Variants in SHISA6 observed in about 807,000 individuals in gnomAD.
The protein encoded by SHISA6 is protein shisa-6.
SHISA6 carries 22 observed loss-of-function variants against 47.9 expected under a neutral mutation model. The observed-to-expected ratio is 0.46, with a 90% CI of 0.33 to 0.66. SHISA6 has a LOEUF of 0.66. Among genes scored for constraint, SHISA6 ranks in the 30% least tolerant of loss-of-function variants. SHISA6 has a pLI of 0.02. For synonymous variants in SHISA6, 388 were observed against 337.8 expected (o/e 1.15, Z -1.63); for missense variants, 680 against 764.6 (o/e 0.89, Z 1.30).
At chr17:11,557,012 G>A (rs1202414220) in intron 5 of SHISA6, among the ~76,000 whole-genome samples, 1 of 152,104 alleles carries the variant, frequency 6.6e-6, no homozygotes, top group Non-Finnish European at 1.5e-5. Context: ...AGAGAAAGGT[G>A]GAGCATCTAA....
rs2072015467 is a variant in SHISA6, at chr17:11,559,208, C to T, written c.*904C>T. On this transcript the variant is annotated 3_prime_UTR_variant, in exon 6 of 6. Transcript: ENST00000441885. The surrounding 1 kb of genome is among the most constrained non-coding windows in gnomAD (Gnocchi z 4.4). ...GATCATCTCCGCACTCCCTCCAGGC[C>T]TCTAGACCTGACCATGACTGCCACT... 6.6e-6 allele frequency: 1 copy of T among 152,658 alleles called. No individual in the cohort carries two copies. Among genetic ancestry groups the T allele is most frequent in the Non-Finnish European group, 1.5e-5 (1 of 68,376 alleles). 9.5% of individuals were successfully genotyped at this position (152,658 alleles called of 1,614,324 possible). A position where few individuals can be genotyped will look rare whatever the true frequency, so the allele number is the denominator to read the frequency against.
intron 3 of SHISA6, among the ~76,000 whole-genome samples, chr17:11,424,069 C>T (rs112928960): frequency 1.0e-4 from 12 of 117,400 alleles, no homozygotes; most frequent in African/African-American, 3.8e-4. Context: ...GTAGATCCCA[C>T]ATATATCTGA....
intron 3 of SHISA6, among the ~76,000 whole-genome samples, chr17:11,382,928 CTTTTTTTTTTTT>C (rs10601084): frequency 1.4e-5 from 1 of 70,776 alleles, no homozygotes; most frequent in Non-Finnish European, 2.6e-5. Flanking sequence ...TCCTGTCAGC[CTTTTTTTTTTTT>C]TTTTTTTTTT....
intron 3 of SHISA6, among the ~76,000 whole-genome samples, chr17:11,533,502 T>G (rs1303214044): frequency 1.3e-5 from 2 of 151,772 alleles, no homozygotes. Flanking sequence ...TCACCTCCCC[T>G]GGCCTCTCTC....
chr17:11,290,947 C>T (rs1909513273), intron 2 of SHISA6: 1 of 151,564 alleles, frequency 6.6e-6, no homozygotes, highest in African/African-American at 2.4e-5. Context: ...GATGCCAGCC[C>T]TGACTTTCTG....
intron 2 of SHISA6, among the ~76,000 whole-genome samples, chr17:11,352,250 C>T (rs925078182): frequency 2.0e-5 from 3 of 151,718 alleles, no homozygotes; most frequent in Non-Finnish European, 4.4e-5. Flanking sequence ...GAGAGATCTT[C>T]TGGAAAGGCA....
At chr17:11,476,860 A>G (rs1916063812) in intron 3 of SHISA6, among the ~76,000 whole-genome samples, 1 of 152,104 alleles carries the variant, frequency 6.6e-6, no homozygotes, top group Non-Finnish European at 1.5e-5. Flanking sequence ...CAGAAGTACT[A>G]ATGTCTCCAA....
At chr17:11,491,495 C>G (rs1489326393) in intron 3 of SHISA6, among the ~76,000 whole-genome samples, 1 of 151,974 alleles carries the variant, frequency 6.6e-6, no homozygotes, top group Non-Finnish European at 1.5e-5. Context: ...AGACGGGGGT[C>G]TCACTATGTT....
chr17:11,320,669 A>AAG lies in SHISA6; in HGVS notation c.799+57163_799+57164dup, dbSNP rs59186157. Among the ~76,000 whole-genome samples, 248 of 49,002 alleles carry AAG rather than the reference A, an allele frequency of 5.1e-3. 1 individual carries two copies. The highest frequency in any genetic ancestry group is 7.3e-3 in the African/African-American group (138 of 18,968). The allele number at this position is 49,002 out of a possible 152,430, so 32.1% of individuals were successfully genotyped here. On this transcript the variant is annotated intron_variant, in intron 2 of 5. Transcript: ENST00000441885. ...GCGAAACTCCATCACCAAAAAAAAA[A>AAG]AGAGAGAGAGAGAGAGAGAGAAGAA...
At chr17:11,416,220 G>A (rs567394153) in intron 3 of SHISA6, among the ~76,000 whole-genome samples, 1 of 152,268 alleles carries the variant, frequency 6.6e-6, no homozygotes, top group Admixed American at 6.5e-5. Context: ...ATTGCTCATA[G>A]ATGTCCCATG....
At chr17:11,273,880 T>C (rs1567557065) in intron 2 of SHISA6, among the ~76,000 whole-genome samples, 7 of 149,264 alleles carry the variant, frequency 4.7e-5, no homozygotes, top group Admixed American at 3.4e-4. Flanking sequence ...AAATCACCAT[T>C]CTGTTCTCAG....
At chr17:11,304,493 G>A (rs542734897) in intron 2 of SHISA6, among the ~76,000 whole-genome samples, 6 of 151,970 alleles carry the variant, frequency 3.9e-5, no homozygotes, top group African/African-American at 1.4e-4. Flanking sequence ...GGAGAAGCCA[G>A]CAGAGAGAAG....
chr17:11,360,801 A>G (rs1198394677), intron 2 of SHISA6, among the ~76,000 whole-genome samples: 1 of 150,448 alleles, frequency 6.6e-6, no homozygotes, highest in East Asian at 1.9e-4. Context: ...GTAAAATTAA[A>G]AAAAAAAAAA....
chr17:11,422,426 A>G (rs995700455), intron 3 of SHISA6, among the ~76,000 whole-genome samples: 1 of 152,212 alleles, frequency 6.6e-6, no homozygotes, highest in East Asian at 1.9e-4. Flanking sequence ...TCAGAGCTCA[A>G]CCAAGATTGA....
chr17:11,268,029 C>A (rs369918765), intron 2 of SHISA6, among the ~76,000 whole-genome samples: 1 of 152,226 alleles, frequency 6.6e-6, no homozygotes, highest in African/African-American at 2.4e-5. Flanking sequence ...GACCTCACCC[C>A]CTCCTAAAGA....
chr17:11,513,423 G>C (rs1350348574), intron 3 of SHISA6, among the ~76,000 whole-genome samples: 1 of 152,122 alleles, frequency 6.6e-6, no homozygotes, highest in East Asian at 1.9e-4. Flanking sequence ...TATCACCTAA[G>C]TGTCAACTCT....
At chr17:11,469,691 C>T (rs2908941) in intron 3 of SHISA6, among the ~76,000 whole-genome samples, 1 of 152,030 alleles carries the variant, frequency 6.6e-6, no homozygotes, top group Non-Finnish European at 1.5e-5. Context: ...GGCTTTCCCC[C>T]CTTCTCCCTG....
intron 2 of SHISA6, among the ~76,000 whole-genome samples, chr17:11,345,790 G>A (rs1911683957): frequency 6.6e-6 from 1 of 152,072 alleles, no homozygotes; most frequent in Non-Finnish European, 1.5e-5. Flanking sequence ...AAGTAGAACT[G>A]ATTTTTGTGT....
At chr17:11,262,717 T>A (rs1908277946) in intron 1 of SHISA6, among the ~76,000 whole-genome samples, 1 of 152,244 alleles carries the variant, frequency 6.6e-6, no homozygotes, top group Admixed American at 6.5e-5. Context: ...TGGCAGAGTC[T>A]CTGCCTGTCT....
Sources: allele counts gnomAD v4.1 joint callset (sites outside exome capture counted in the v4.1 genomes callset), GRCh38; gene constraint gnomAD v4.1.1; non-coding constraint Gnocchi (gnomAD v3.1); transcripts MANE v1.5; gene names NCBI Gene and HGNC (gene_info 2026-07-23, HGNC 2026-07-21).